ST7: variants seen among roughly 807,000 people sequenced by gnomAD.
ST7 encodes the protein suppression of tumorigenicity 7.
A neutral mutation model predicts 78.7 loss-of-function variants in ST7; 28 were observed. That is an observed-to-expected ratio of 0.36 (90% CI 0.26 to 0.49). ST7 has a LOEUF of 0.49. Among genes scored for constraint, ST7 ranks in the 20% least tolerant of loss-of-function variants. The probability of loss-of-function intolerance (pLI) is 0.99; values close to 1 mark genes in which losing one functional copy is unlikely to be tolerated. For missense variants in ST7, 418 were observed against 696.0 expected (o/e 0.60, Z 4.49); for synonymous variants, 247 against 249.6 (o/e 0.99, Z 0.10).
chr7:117,107,868 G>A (rs887735708), intron 2 of ST7, among the ~76,000 whole-genome samples: 3 of 151,858 alleles, frequency 2.0e-5, no homozygotes, highest in African/African-American at 7.3e-5. Context: ...ACCTGCCTCG[G>A]CCTCCCAAAG....
intron 1 of ST7, among the ~76,000 whole-genome samples, chr7:117,054,997 C>T (rs1797991606): frequency 6.6e-6 from 1 of 152,104 alleles, no homozygotes; most frequent in Non-Finnish European, 1.5e-5. Context: ...TCCTCCACTT[C>T]TTATTAAATA....
chr7:117,099,074 A>AAAAAAAAAAAAAG (rs1563080274), intron 1 of ST7, among the ~76,000 whole-genome samples: 1 of 149,402 alleles, frequency 6.7e-6, no homozygotes, highest in African/African-American at 2.5e-5. Flanking sequence ...AACAAAAAAA[A>AAAAAAAAAAAAAG]AAGAAGAAGA....
At chr7:116,999,808 C>CTTTTTTTTTTT (rs71148356) in intron 1 of ST7, among the ~76,000 whole-genome samples, 4 of 104,442 alleles carry the variant, frequency 3.8e-5, no homozygotes, top group Non-Finnish European at 5.4e-5. Flanking sequence ...AATTTTCTTT[C>CTTTTTTTTTTT]TTTTTTTTTT....
intron 1 of ST7, among the ~76,000 whole-genome samples, chr7:116,976,492 C>T (rs1172326881): frequency 6.6e-6 from 1 of 152,130 alleles, no homozygotes; most frequent in African/African-American, 2.4e-5. Flanking sequence ...CTAACAGTTA[C>T]CTAGGACATG....
chr7:117,206,356 G>C (rs1309885671), intron 12 of ST7, among the ~76,000 whole-genome samples: 2 of 152,102 alleles, frequency 1.3e-5, no homozygotes, highest in Non-Finnish European at 2.9e-5. Context: ...GATGTGCAAG[G>C]CTCTGTAGGA....
chr7:116,983,915 G>A (rs1794077422), intron 1 of ST7, among the ~76,000 whole-genome samples: 1 of 152,014 alleles, frequency 6.6e-6, no homozygotes, highest in Admixed American at 6.5e-5. Context: ...TCTCATTCTT[G>A]GTTCCAAAGT....
chr7:116,998,291 G>A (rs1372235245), intron 1 of ST7, among the ~76,000 whole-genome samples: 3 of 152,166 alleles, frequency 2.0e-5, no homozygotes, highest in African/African-American at 7.2e-5. Flanking sequence ...GCCACTCTGA[G>A]TGTGGGGCCC....
Position 116,953,696 on chromosome 7 carries a change from G to C in ST7, c.151+5G>C. ...TCAACGACAACTTGAGCACAGGTAA[G>C]GCCTGGGAGCCGGGCCCGCGGCGCC... On this transcript the variant is annotated splice_donor_5th_base_variant and intron_variant, in intron 1 of 15. Coordinates refer to ENST00000323984, the MANE Select transcript of ST7 (RefSeq NM_001369598.1). 6.9e-7 allele frequency: 1 copy of C among 1,455,378 alleles called. No individual in the cohort carries two copies. The highest frequency in any genetic ancestry group is 9.2e-7 in the Non-Finnish European group (1 of 1,085,712). 90.2% of individuals were successfully genotyped at this position (1,455,378 alleles called of 1,614,324 possible).
intron 14 of ST7, among the ~76,000 whole-genome samples, chr7:117,220,795 G>GT (rs1793030814): frequency 6.6e-6 from 1 of 152,172 alleles, no homozygotes; most frequent in Admixed American, 6.5e-5. Context: ...CACTTGTTCC[G>GT]TGTGTTTGAA....
chr7:117,035,855 G>A (rs796497640), intron 1 of ST7, among the ~76,000 whole-genome samples: 106 of 151,872 alleles, frequency 7.0e-4, no homozygotes, highest in African/African-American at 2.6e-3. Context: ...TTTTTTTGTA[G>A]GATAGATGGT....
intron 1 of ST7, among the ~76,000 whole-genome samples, chr7:117,028,258 T>G (rs922346114): frequency 6.6e-6 from 1 of 152,244 alleles, no homozygotes; most frequent in Admixed American, 6.5e-5. Flanking sequence ...ATCATCAGTT[T>G]ATGTACAGCA....
At chr7:116,968,811 G>T (rs1400191849) in intron 1 of ST7, among the ~76,000 whole-genome samples, 1 of 152,176 alleles carries the variant, frequency 6.6e-6, no homozygotes. Context: ...GAATTCCCAG[G>T]CTGCTTGGAG....
chr7:117,071,821 A>G (rs1313251193), intron 1 of ST7, among the ~76,000 whole-genome samples: 1 of 152,244 alleles, frequency 6.6e-6, no homozygotes, highest in African/African-American at 2.4e-5. Flanking sequence ...GGCAGATCAT[A>G]CAAAACTCTA....
chr7:117,067,857 C>T (rs77256390), intron 1 of ST7, among the ~76,000 whole-genome samples: 2,353 of 152,262 alleles, frequency 0.015, 23 homozygotes, highest in Non-Finnish European at 0.021. Context: ...CTTAAATTCT[C>T]TTAAATTCTA....
intron 1 of ST7, chr7:116,956,857 C>G (rs59908721): frequency 0.11 from 39,646 of 354,438 alleles, 3,972 homozygotes; most frequent in East Asian, 0.39. Context: ...AATACAACTT[C>G]CCATATGCAA....
chr7:117,120,140 G>A (rs1803248024), intron 3 of ST7, among the ~76,000 whole-genome samples: 1 of 152,184 alleles, frequency 6.6e-6, no homozygotes, highest in East Asian at 1.9e-4. Flanking sequence ...ATGTTGTCTA[G>A]ACTGGTCTCA....
chr7:117,072,875 A>C (rs1799069433), intron 1 of ST7: 1 of 152,202 alleles, frequency 6.6e-6, no homozygotes, highest in Admixed American at 6.5e-5. Context: ...AGATGAAGGG[A>C]GTTAAGTGTG....
At chr7:117,090,818 T>G (rs1040113639) in intron 1 of ST7, 3 of 167,128 alleles carry the variant, frequency 1.8e-5, no homozygotes, top group African/African-American at 7.2e-5. Flanking sequence ...TTGCTCCACT[T>G]GTCCTTGAGG....
chr7:117,115,567 T>A (rs1236989656), intron 2 of ST7, among the ~76,000 whole-genome samples: 4 of 152,164 alleles, frequency 2.6e-5, no homozygotes, highest in Admixed American at 2.6e-4. Context: ...TTGGCCAGGC[T>A]GGTCTCGAAC....
Sources: allele counts gnomAD v4.1 joint callset (sites outside exome capture counted in the v4.1 genomes callset), GRCh38; gene constraint gnomAD v4.1.1; transcripts MANE v1.5; gene names NCBI Gene and HGNC (gene_info 2026-07-23, HGNC 2026-07-21).